Variants in ATP2A1 observed in about 807,000 individuals in gnomAD.
ATP2A1 encodes the protein ATPase sarcoplasmic/endoplasmic reticulum Ca2+ transporting 1, also known as sarcoplasmic/endoplasmic reticulum calcium ATPase 1.
In ATP2A1, 83 loss-of-function variants were observed where a neutral mutation model predicts 109.5. The ratio of observed to expected loss-of-function variants is 0.76; its 90% CI spans 0.63 to 0.91. ATP2A1 has a LOEUF of 0.91. Ranked by LOEUF, ATP2A1 falls within the 40% of genes least tolerant of loss-of-function variation. The pLI is 0.00. For synonymous variants in ATP2A1, 505 were observed against 537.6 expected (o/e 0.94, Z 0.84); for missense variants, 1,101 against 1,341.0 (o/e 0.82, Z 2.80).
In ATP2A1 at chr16:28,898,301, G is replaced by C. The variant is rs12596913; in HGVS notation, c.1614G>C (p.Thr538=). 2 of 1,614,124 alleles carry C rather than the reference G, an allele frequency of 1.2e-6. No individual in the cohort carries two copies. The highest frequency in any genetic ancestry group is 1.1e-5 in the South Asian group (1 of 91,094). ...TTGGCACCACCCGGGTGCCACTGAC[G>C]GGGCCGGTGAAGGAAAAGATCATGG... ...VRVGTTRVPL[T]GPVKEKIMAV... Residue 538 remains threonine, a synonymous_variant, in exon 14 of 23, where the codon ACG becomes ACC. Transcript: ENST00000395503. The surrounding 1 kb of genome is among the most constrained non-coding windows in gnomAD (Gnocchi z 4.0).
At chr16:28,901,647 G>T (rs1268383749) in intron 15 of ATP2A1, among the ~76,000 whole-genome samples, 1 of 151,942 alleles carries the variant, frequency 6.6e-6, no homozygotes, top group African/African-American at 2.4e-5. Flanking sequence ...AAAAAAGTGT[G>T]CCGATCTTTG....
chr16:28,897,888 T>C (rs909089085), intron 12 of ATP2A1, 112 bp from the exon 13 acceptor site: 67 of 1,397,984 alleles, frequency 4.8e-5, no homozygotes, highest in East Asian at 3.0e-4. Flanking sequence ...TTTTGTGCTA[T>C]AGGGACCAGA....
intron 12 of ATP2A1, among the ~76,000 whole-genome samples, chr16:28,895,680 A>G (rs1596679348): frequency 6.6e-6 from 1 of 151,850 alleles, no homozygotes; most frequent in East Asian, 1.9e-4. Context: ...AAACGAAAAC[A>G]AAAACAAAGA....
At chr16:28,878,955 G>T in intron 1 of ATP2A1, 144 bp from the exon 2 acceptor site, 1 of 1,362,660 alleles carries the variant, frequency 7.3e-7, no homozygotes, top group Admixed American at 1.7e-5. Flanking sequence ...AGAGTCCCGA[G>T]ATCCAGAGTT....
At position 28,902,914 on chromosome 16, in the gene ATP2A1, G is replaced by A. The variant is rs764845103; in HGVS notation, c.2744+3G>A. On this transcript the variant is annotated splice_donor_region_variant and intron_variant, in intron 19 of 22. Transcript: ENST00000395503. This position sits in a 1 kb window ranked among gnomAD's most constrained non-coding sequence, Gnocchi z 4.8. ...GAGATGTGCAATGCACTGAACAGGT[G>A]GGGGCCCCCCAGCTACACCCACCAC... The A allele has an allele frequency of 6.2e-7, 1 of 1,613,704 alleles. No individual in the cohort carries two copies. The highest frequency in any genetic ancestry group is 1.1e-5 in the South Asian group (1 of 91,066).
rs1292175726 is a variant in ATP2A1 at position 28,904,164 on chromosome 16, C to T, written c.*38-16C>T. 3 of 1,607,000 alleles carry T rather than the reference C, an allele frequency of 1.9e-6. No homozygotes were observed. Among genetic ancestry groups the T allele is most frequent in the Non-Finnish European group, 2.6e-6 (3 of 1,173,866 alleles). Reference sequence around the variant, plus strand: ...CCTCCTGCCGCCTGCCTCATCCCTTCTCTTTCCCCTTCCAGATCCAGAAGA... The same window carrying T: ...CCTCCTGCCGCCTGCCTCATCCCTTTTCTTTCCCCTTCCAGATCCAGAAGA... On this transcript the variant is annotated splice_polypyrimidine_tract_variant and intron_variant, in intron 22 of 22. Coordinates refer to ENST00000395503, the MANE Select transcript of ATP2A1 (RefSeq NM_004320.6).
rs1191512128 is a variant in ATP2A1, at chr16:28,902,712, A to G, written c.2610+47A>G. 6.2e-7 allele frequency: 1 copy of G among 1,613,860 alleles called. No individual in the cohort carries two copies. The highest frequency in any genetic ancestry group is 2.2e-5 in the East Asian group (1 of 44,870). The stretch of plus-strand genomic sequence containing the variant: ...GGGGACCAGGAGGGTGTGGGGATGC[A>G]GGAGGGTACCAGGAGGGTGGCATGG... On this transcript the variant is annotated intron_variant, in intron 18 of 22. Transcript: ENST00000395503. This position sits in a 1 kb window ranked among gnomAD's most constrained non-coding sequence, Gnocchi z 4.8.
Position 28,879,109 on chromosome 16 carries a change from T to A in ATP2A1, c.129T>A (p.Ala43=). 1 of 1,614,104 alleles carries A rather than the reference T, an allele frequency of 6.2e-7. No individual in the cohort carries two copies. The highest frequency in any genetic ancestry group is 8.5e-7 in the Non-Finnish European group (1 of 1,180,002). Residue 43 remains alanine (A), a synonymous_variant, in exon 2 of 23, where the codon GCT becomes GCA. Coordinates refer to ENST00000395503, the MANE Select transcript of ATP2A1 (RefSeq NM_004320.6). Reference sequence around the variant, plus strand: ...CTTTTTCCTGGGTAGAGCTCCCTGCTGAGGAAGGTAAGTTACTGGAATCCC... The same window carrying A: ...CTTTTTCCTGGGTAGAGCTCCCTGCAGAGGAAGGTAAGTTACTGGAATCCC... ...LEKYGLNELP[A]EEGKTLWELV...
rs748394214 is a variant in ATP2A1 at position 28,902,091 on chromosome 16, G to T, written c.2321+8G>T. 2 of 1,614,238 alleles carry T rather than the reference G, an allele frequency of 1.2e-6. No individual in the cohort carries two copies. The highest frequency in any genetic ancestry group is 1.7e-6 in the Non-Finnish European group (2 of 1,180,024). ...CGTGGGCGAGGTGGTCTGGTGAGCA[G>T]CTGGGTGGGCGTCCAGGAGGAAGCC... On this transcript the variant is annotated splice_region_variant and intron_variant, in intron 16 of 22. Transcript: ENST00000395503. This position sits in a 1 kb window ranked among gnomAD's most constrained non-coding sequence, Gnocchi z 4.8.
Position 28,878,739 on chromosome 16 carries a change from G to T in ATP2A1, c.68G>T (p.Gly23Val). The change falls in exon 1 of 23, where the codon GGC becomes GTC. Residue 23 changes from glycine (G) to valine (V), a missense_variant. By Grantham distance (109) the Gly-to-Val change is moderately radical. Transcript: ENST00000395503. Reference protein sequence around the residue: ...LAYFGVSETTGLTPDQVKRNL... With the variant: ...LAYFGVSETTVLTPDQVKRNL... The stretch of plus-strand genomic sequence containing the variant: ...TATTTTGGGGTGAGTGAGACCACGG[G>T]CCTCACCCCGGACCAAGTTAAGCGG... 6.2e-7 allele frequency: 1 copy of T among 1,613,600 alleles called. No individual in the cohort carries two copies. The highest frequency in any genetic ancestry group is 1.3e-5 in the African/African-American group (1 of 75,024).
Position 28,889,860 on chromosome 16 carries a change from C to T in ATP2A1, c.1095+907C>T, listed in dbSNP as rs371519785. ...TCAAATGTATATTAATAAAATAAAA[C>T]AGGCCAGGTGCAATGGCTAACGCCT... On this transcript the variant is annotated intron_variant, in intron 9 of 22. Transcript: ENST00000395503. Among the ~76,000 whole-genome samples, 8 of 152,254 alleles carry T rather than the reference C, an allele frequency of 5.3e-5. No homozygotes were observed. In the East Asian group the frequency reaches 1.3e-3, roughly 26 times the overall value.
chr16:28,900,961 A>G, intron 15 of ATP2A1, 45 bp downstream of exon 15: 1 of 1,609,674 alleles, frequency 6.2e-7, no homozygotes, highest in East Asian at 2.2e-5. Context: ...CACGGAGATG[A>G]CCAGATGACT....
chr16:28,894,642 T>C lies in ATP2A1; in HGVS notation c.1287+35T>C, dbSNP rs1166337147. ...CCTTCCCCTTCCAGTTGGCTCAGAG[T>C]CTGGGCCTCCTCCGAAGGCCAGGAG... On this transcript the variant is annotated intron_variant, in intron 11 of 22. Coordinates refer to ENST00000395503, the MANE Select transcript of ATP2A1 (RefSeq NM_004320.6). The C allele has an allele frequency of 2.5e-6, 4 of 1,610,812 alleles. No homozygotes were observed. In the South Asian group the frequency reaches 3.3e-5, roughly 13 times the overall value.
At position 28,887,652 on chromosome 16, in the gene ATP2A1, C is replaced by T. The variant is rs778996316; in HGVS notation, c.858C>T (p.Gly286=). The change falls in exon 8 of 23, where the codon GGC becomes GGT. Residue 286 remains glycine, a synonymous_variant. Transcript: ENST00000395503. ...ACTTCAACGACCCCGTCCATGGGGGCTCCTGGTTCCGCGGGGCCATCTACT... is the reference window on the plus strand; with the variant it reads ...ACTTCAACGACCCCGTCCATGGGGGTTCCTGGTTCCGCGGGGCCATCTACT... ...IGHFNDPVHG[G]SWFRGAIYYF... The T allele has an allele frequency of 6.2e-7, 1 of 1,614,156 alleles. No homozygotes were observed. The highest frequency in any genetic ancestry group is 1.1e-5 in the South Asian group (1 of 91,082).
intron 6 of ATP2A1, among the ~76,000 whole-genome samples, chr16:28,886,945 T>C (rs1443687868): frequency 6.7e-6 from 1 of 148,404 alleles, no homozygotes; most frequent in East Asian, 2.0e-4. Flanking sequence ...TGAGCTGAGA[T>C]CTTGACACTG....
intron 9 of ATP2A1, among the ~76,000 whole-genome samples, chr16:28,890,008 G>T (rs1963725945): frequency 6.6e-6 from 1 of 152,110 alleles, no homozygotes; most frequent in African/African-American, 2.4e-5. Context: ...CGGGCATGGT[G>T]GTGCGTGCCA....
chr16:28,878,917 C>T, intron 1 of ATP2A1, 128 bp downstream of exon 1: 2 of 1,334,854 alleles, frequency 1.5e-6, no homozygotes, highest in Admixed American at 1.7e-5. Context: ...GTCCAATGCT[C>T]GCAGGGGGAA....
chr16:28,901,040 C>A, intron 15 of ATP2A1, 124 bp downstream of exon 15: 3 of 1,294,552 alleles, frequency 2.3e-6, no homozygotes, highest in Admixed American at 1.9e-5. Context: ...GGATTCAGAC[C>A]CCAAGGAAGA....
intron 4 of ATP2A1, 106 bp downstream of exon 4, chr16:28,881,125 T>C (rs1296991370): frequency 1.8e-6 from 2 of 1,121,000 alleles, no homozygotes; most frequent in East Asian, 4.8e-5. Flanking sequence ...ACTTGCCTCT[T>C]CCTCTGGTCC....
Sources: allele counts gnomAD v4.1 joint callset (sites outside exome capture counted in the v4.1 genomes callset), GRCh38; gene constraint gnomAD v4.1.1; non-coding constraint Gnocchi (gnomAD v3.1); transcripts MANE v1.5; gene names NCBI Gene and HGNC (gene_info 2026-07-23, HGNC 2026-07-21).